ARHGAP15: variants seen among roughly 807,000 people sequenced by gnomAD.
ARHGAP15 encodes the protein rho GTPase-activating protein 15.
Under a neutral mutation model 63.7 loss-of-function variants are expected in ARHGAP15, and 51 were observed. The ratio of observed to expected loss-of-function variants is 0.80; its 90% CI spans 0.64 to 1.01. ARHGAP15 has a LOEUF of 1.01. Ranked by LOEUF, ARHGAP15 falls within the 50% of genes least tolerant of loss-of-function variation. The pLI, the probability that ARHGAP15 is intolerant of heterozygous loss-of-function variation, is 0.00. For missense variants in ARHGAP15, 560 were observed against 564.6 expected (o/e 0.99, Z 0.08); for synonymous variants, 191 against 193.8 (o/e 0.99, Z 0.12).
At chr2:143,140,087 CT>C (rs1158610432) in intron 1 of ARHGAP15, among the ~76,000 whole-genome samples, 3 of 151,940 alleles carry the variant, frequency 2.0e-5, no homozygotes, top group African/African-American at 7.3e-5. Context: ...CAAAGAGTGA[CT>C]TTTTTTTCTT....
chr2:143,194,577 A>C lies in ARHGAP15; in HGVS notation c.166-7557A>C, dbSNP rs188897987. 4.6e-5 allele frequency among the ~76,000 whole-genome samples: 7 copies of C among 152,302 alleles called. No homozygotes were observed. The East Asian group carries it at 1.4e-3, about 29-fold the overall frequency. On this transcript the variant is annotated intron_variant, in intron 2 of 13. Transcript: ENST00000295095. ...ATACGTGATTCTACAGAGAAAAACC[A>C]AGAAAATTATATTACTTAGGCATCT...
chr2:143,397,871 C>T (rs1045501080), intron 6 of ARHGAP15, among the ~76,000 whole-genome samples: 4 of 152,030 alleles, frequency 2.6e-5, no homozygotes, highest in Non-Finnish European at 5.9e-5. Context: ...TAGATAGATT[C>T]ATATCTTCAA....
chr2:143,288,806 G>T (rs994552729), intron 6 of ARHGAP15, among the ~76,000 whole-genome samples: 1 of 151,552 alleles, frequency 6.6e-6, no homozygotes, highest in African/African-American at 2.4e-5. Context: ...GTTCTCGGGG[G>T]AATACATATT....
intron 6 of ARHGAP15, among the ~76,000 whole-genome samples, chr2:143,374,931 A>G (rs1686735898): frequency 6.6e-6 from 1 of 152,196 alleles, no homozygotes; most frequent in Non-Finnish European, 1.5e-5. Context: ...TGCCAAAATG[A>G]TTGATTATAA....
chr2:143,338,291 T>C (rs1684897721), intron 6 of ARHGAP15, among the ~76,000 whole-genome samples: 1 of 152,170 alleles, frequency 6.6e-6, no homozygotes, highest in Non-Finnish European at 1.5e-5. Context: ...CATAGAGCTG[T>C]ATATTTCATG....
intron 11 of ARHGAP15, among the ~76,000 whole-genome samples, chr2:143,592,215 A>G (rs1334942506): frequency 2.0e-5 from 3 of 152,146 alleles, no homozygotes; most frequent in Admixed American, 6.5e-5. Context: ...TTGTTCAGAT[A>G]TTTATTACTT....
intron 8 of ARHGAP15, among the ~76,000 whole-genome samples, chr2:143,444,298 GA>G (rs1282213768): frequency 4.6e-5 from 7 of 151,184 alleles, no homozygotes; most frequent in Non-Finnish European, 5.9e-5. Flanking sequence ...GTAAACAAAA[GA>G]AAAAAAAAGA....
chr2:143,164,431 C>T (rs2105029637), intron 2 of ARHGAP15, among the ~76,000 whole-genome samples: 1 of 152,140 alleles, frequency 6.6e-6, no homozygotes, highest in East Asian at 1.9e-4. Context: ...TATGAAATCT[C>T]ATATGCTTCT....
intron 9 of ARHGAP15, among the ~76,000 whole-genome samples, chr2:143,513,897 C>T (rs1312413265): frequency 6.6e-6 from 1 of 152,212 alleles, no homozygotes; most frequent in Non-Finnish European, 1.5e-5. Context: ...GAGCCTAATG[C>T]TCTGTGACCT....
chr2:143,727,595 T>A (rs1685338961), intron 13 of ARHGAP15, among the ~76,000 whole-genome samples: 1 of 152,196 alleles, frequency 6.6e-6, no homozygotes, highest in African/African-American at 2.4e-5. Flanking sequence ...TACATAGATA[T>A]ACTTTAGACA....
At chr2:143,433,515 T>A (rs575508500) in intron 6 of ARHGAP15, among the ~76,000 whole-genome samples, 1 of 152,228 alleles carries the variant, frequency 6.6e-6, no homozygotes, top group Non-Finnish European at 1.5e-5. Flanking sequence ...AGTAATATAT[T>A]TGGACAAAGG....
At chr2:143,210,530 A>C (rs1467848665) in intron 3 of ARHGAP15, among the ~76,000 whole-genome samples, 1 of 152,158 alleles carries the variant, frequency 6.6e-6, no homozygotes, top group African/African-American at 2.4e-5. Context: ...TTGGCAAAAC[A>C]TAATATGTGC....
At chr2:143,672,506 CAT>C (rs1682577455) in intron 12 of ARHGAP15, among the ~76,000 whole-genome samples, 1 of 152,142 alleles carries the variant, frequency 6.6e-6, no homozygotes, top group African/African-American at 2.4e-5. Context: ...CATTTTATCA[CAT>C]AATATCTGTG....
At chr2:143,350,053 A>G (rs916664227) in intron 6 of ARHGAP15, among the ~76,000 whole-genome samples, 1 of 152,170 alleles carries the variant, frequency 6.6e-6, no homozygotes, top group African/African-American at 2.4e-5. Context: ...ATATTATCGT[A>G]GTTTTATTTT....
chr2:143,303,745 G>A (rs568594666), intron 6 of ARHGAP15, among the ~76,000 whole-genome samples: 1 of 152,076 alleles, frequency 6.6e-6, no homozygotes, highest in Non-Finnish European at 1.5e-5. Context: ...AATCTACAAA[G>A]AACTCAAACA....
At chr2:143,606,068 A>AAAAAAAAAC (rs1559076928) in intron 11 of ARHGAP15, among the ~76,000 whole-genome samples, 6 of 44,084 alleles carry the variant, frequency 1.4e-4, no homozygotes. Context: ...AAAAAAAAAA[A>AAAAAAAAAC]AAGCCATACA....
intron 6 of ARHGAP15, among the ~76,000 whole-genome samples, chr2:143,304,712 A>C (rs1268997685): frequency 1.3e-5 from 2 of 152,294 alleles, no homozygotes; most frequent in Admixed American, 1.3e-4. Flanking sequence ...ATAAAAATAC[A>C]TTAAATATAT....
At chr2:143,685,425 T>C (rs1032424669) in intron 12 of ARHGAP15, among the ~76,000 whole-genome samples, 2 of 152,130 alleles carry the variant, frequency 1.3e-5, no homozygotes, top group African/African-American at 4.8e-5. Flanking sequence ...AGCCAAATAA[T>C]GAAAACATAG....
chr2:143,303,451 T>C (rs1440894368), intron 6 of ARHGAP15, among the ~76,000 whole-genome samples: 1 of 151,978 alleles, frequency 6.6e-6, no homozygotes, highest in Non-Finnish European at 1.5e-5. Flanking sequence ...CCTTACACCT[T>C]ATATAAAAAT....
Sources: allele counts gnomAD v4.1 joint callset (sites outside exome capture counted in the v4.1 genomes callset), GRCh38; gene constraint gnomAD v4.1.1; transcripts MANE v1.5; gene names NCBI Gene and HGNC (gene_info 2026-07-23, HGNC 2026-07-21).